The following ZSWIM5 variants were observed in gnomAD, a reference collection of about 807,000 sequenced individuals.
ZSWIM5 encodes the protein zinc finger SWIM domain-containing protein 5.
A neutral mutation model predicts 119.6 loss-of-function variants in ZSWIM5; 55 were observed. The observed-to-expected ratio is 0.46, with a 90% CI of 0.37 to 0.58. The LOEUF (loss-of-function observed/expected upper bound fraction) is 0.58, where lower values mean the gene tolerates loss of function less well. ZSWIM5 is among the 20% of genes least tolerant of loss of function. ZSWIM5 has a pLI of 0.00. For missense variants in ZSWIM5, 1,193 were observed against 1,512.8 expected (o/e 0.79, Z 3.51); for synonymous variants, 537 against 606.9 (o/e 0.88, Z 1.69).
chr1:45,197,265 T>C (rs1428752432), intron 1 of ZSWIM5, among the ~76,000 whole-genome samples: 2 of 152,228 alleles, frequency 1.3e-5, no homozygotes, highest in Non-Finnish European at 2.9e-5. Flanking sequence ...AATAGTCTCT[T>C]TCCTCTAAAT....
At chr1:45,201,176 G>C (rs1342194840) in intron 1 of ZSWIM5, among the ~76,000 whole-genome samples, 2 of 152,174 alleles carry the variant, frequency 1.3e-5, no homozygotes, top group Non-Finnish European at 2.9e-5. Flanking sequence ...CCAGAAGCTA[G>C]CAAGAGGCAA....
At chr1:45,068,457 T>C (rs956929921) in intron 2 of ZSWIM5, among the ~76,000 whole-genome samples, 1 of 151,256 alleles carries the variant, frequency 6.6e-6, no homozygotes, top group African/African-American at 2.4e-5. Flanking sequence ...AATCATGCCA[T>C]TGCACTCCAG....
At chr1:45,156,177 T>G (rs1228474971) in intron 1 of ZSWIM5, among the ~76,000 whole-genome samples, 6 of 152,094 alleles carry the variant, frequency 3.9e-5, no homozygotes, top group African/African-American at 1.4e-4. Flanking sequence ...CTAAGTGAAT[T>G]AATGCAGAAA....
At chr1:45,091,550 C>T (rs2149013092) in intron 1 of ZSWIM5, among the ~76,000 whole-genome samples, 1 of 150,774 alleles carries the variant, frequency 6.6e-6, no homozygotes, top group South Asian at 2.1e-4. Context: ...GTAGTACCAG[C>T]TACTCAGGAG....
chr1:45,190,407 G>A (rs1302928122), intron 1 of ZSWIM5, among the ~76,000 whole-genome samples: 1 of 152,132 alleles, frequency 6.6e-6, no homozygotes, highest in Non-Finnish European at 1.5e-5. Context: ...ATGGAGATTA[G>A]AGGAGCGGGA....
intron 1 of ZSWIM5, among the ~76,000 whole-genome samples, chr1:45,107,466 G>C (rs1570106726): frequency 6.6e-6 from 1 of 151,684 alleles, no homozygotes; most frequent in Admixed American, 6.6e-5. Context: ...GTGAAATCCT[G>C]TCTCTACTAA....
intron 5 of ZSWIM5, among the ~76,000 whole-genome samples, chr1:45,045,077 C>T (rs1218296896): frequency 2.0e-5 from 3 of 151,276 alleles, no homozygotes; most frequent in Admixed American, 2.0e-4. Context: ...CTTACCATGC[C>T]ATCTCCCTTC....
At chr1:45,043,094 C>A in intron 6 of ZSWIM5, 125 bp downstream of exon 6, 2 of 995,164 alleles carry the variant, frequency 2.0e-6, no homozygotes, top group Non-Finnish European at 3.0e-6. Flanking sequence ...ATAAAAGCCC[C>A]AAAATATCTG....
At chr1:45,156,711 T>A in intron 1 of ZSWIM5, among the ~76,000 whole-genome samples, 2 of 142,620 alleles carry the variant, frequency 1.4e-5, no homozygotes. Flanking sequence ...GTCGGGGTAG[T>A]GTGGGAAGTT....
At chr1:45,099,157 C>T (rs1334333186) in intron 1 of ZSWIM5, among the ~76,000 whole-genome samples, 1 of 151,858 alleles carries the variant, frequency 6.6e-6, no homozygotes, top group Admixed American at 6.6e-5. Flanking sequence ...GCTAGCAAGA[C>T]TAGTAAAGAA....
chr1:45,182,202 G>C (rs896018583), intron 1 of ZSWIM5, among the ~76,000 whole-genome samples: 3 of 152,152 alleles, frequency 2.0e-5, no homozygotes, highest in East Asian at 1.9e-4. Flanking sequence ...GGATCACGAG[G>C]TCAGGAGATC....
chr1:45,206,374 G>T lies in ZSWIM5; in HGVS notation c.-24C>A. ...ATTGCTGGGGACTGACTGACTGACT[G>T]AGGCGGCGGCGGCTGCTCGGGCTGC... On this transcript the variant is annotated 5_prime_UTR_variant, in exon 1 of 14. Transcript: ENST00000359600. 1 of 1,364,702 alleles carries T rather than the reference G, an allele frequency of 7.3e-7. No individual in the cohort carries two copies. Among genetic ancestry groups the T allele is most frequent in the Non-Finnish European group, 9.4e-7 (1 of 1,061,088 alleles). The allele number at this position is 1,364,702 out of a possible 1,614,324, so 84.5% of individuals were successfully genotyped here.
intron 1 of ZSWIM5, among the ~76,000 whole-genome samples, chr1:45,128,280 A>C (rs988769109): frequency 6.6e-6 from 1 of 151,874 alleles, no homozygotes; most frequent in Non-Finnish European, 1.5e-5. Context: ...TGCAGCCTCA[A>C]CTCCCTGGGC....
At chr1:45,155,139 G>A (rs369084196) in intron 1 of ZSWIM5, among the ~76,000 whole-genome samples, 1 of 151,912 alleles carries the variant, frequency 6.6e-6, no homozygotes, top group African/African-American at 2.4e-5. Flanking sequence ...CTATACATCC[G>A]ACAAAGGACT....
intron 1 of ZSWIM5, among the ~76,000 whole-genome samples, chr1:45,138,177 T>C (rs897207339): frequency 1.3e-5 from 2 of 151,324 alleles, no homozygotes; most frequent in African/African-American, 4.9e-5. Flanking sequence ...CAAATGTAAA[T>C]AGAAAATACA....
intron 1 of ZSWIM5, among the ~76,000 whole-genome samples, chr1:45,135,624 A>G (rs1024381674): frequency 6.6e-6 from 1 of 152,226 alleles, no homozygotes; most frequent in Non-Finnish European, 1.5e-5. Context: ...TTTCATTTTC[A>G]AAGAGACACA....
chr1:45,025,525 TATAC>T (rs1644915824), intron 11 of ZSWIM5, among the ~76,000 whole-genome samples: 1 of 152,220 alleles, frequency 6.6e-6, no homozygotes, highest in African/African-American at 2.4e-5. Flanking sequence ...ATATCAATCT[TATAC>T]ATATTTTGTT....
intron 4 of ZSWIM5, among the ~76,000 whole-genome samples, chr1:45,055,180 T>C (rs1021629988): frequency 7.9e-5 from 12 of 152,088 alleles, no homozygotes; most frequent in Middle Eastern, 3.2e-3. Context: ...TTAGTAGAGA[T>C]GGGGTTTCAC....
intron 1 of ZSWIM5, among the ~76,000 whole-genome samples, chr1:45,095,155 T>A (rs1295479447): frequency 6.6e-6 from 1 of 151,450 alleles, no homozygotes; most frequent in Non-Finnish European, 1.5e-5. Flanking sequence ...TGAGACAGGG[T>A]CTCTCTCTGT....
Sources: allele counts gnomAD v4.1 joint callset (sites outside exome capture counted in the v4.1 genomes callset), GRCh38; gene constraint gnomAD v4.1.1; transcripts MANE v1.5; gene names NCBI Gene and HGNC (gene_info 2026-07-23, HGNC 2026-07-21).